The following UACA variants were observed in gnomAD, a reference collection of about 807,000 sequenced individuals.
UACA encodes the protein nuclear membrane binding protein.
Under a neutral mutation model 160.5 loss-of-function variants are expected in UACA, and 112 were observed. That is an observed-to-expected ratio of 0.70 (90% CI 0.60 to 0.82). The LOEUF (loss-of-function observed/expected upper bound fraction) is 0.82, where lower values mean the gene tolerates loss of function less well. Ranked by LOEUF, UACA falls within the 40% of genes least tolerant of loss-of-function variation. The pLI, the probability that UACA is intolerant of heterozygous loss-of-function variation, is 0.00. For synonymous variants in UACA, 557 were observed against 568.4 expected, an observed-to-expected ratio of 0.98 and a Z score of 0.29; for missense variants, 1,574 against 1,614.6, an observed-to-expected ratio of 0.97 and a Z score of 0.43.
chr15:70,671,294 A>C (rs1013784047), intron 14 of UACA: 21 of 379,164 alleles, frequency 5.5e-5, no homozygotes, highest in Non-Finnish European at 9.1e-5. Context: ...AACAACAGAT[A>C]CTAGGTTGGT....
intron 1 of UACA, among the ~76,000 whole-genome samples, chr15:70,723,374 A>T (rs546162604): frequency 1.3e-5 from 2 of 152,306 alleles, no homozygotes; most frequent in African/African-American, 2.4e-5. Context: ...AGTCCCAGCT[A>T]CTCAGGGATA....
intron 1 of UACA, among the ~76,000 whole-genome samples, chr15:70,710,370 C>T (rs960126594): frequency 2.0e-5 from 3 of 152,202 alleles, no homozygotes; most frequent in Non-Finnish European, 2.9e-5. Flanking sequence ...CTTTTCCCAA[C>T]TCTCACACTC....
intron 1 of UACA, among the ~76,000 whole-genome samples, chr15:70,747,452 C>A (rs1396120032): frequency 6.6e-6 from 1 of 152,154 alleles, no homozygotes; most frequent in South Asian, 2.1e-4. Context: ...TCACTTCAGC[C>A]TCAACCTCCT....
rs561968166 is a variant in UACA, at chr15:70,755,099, T to A, written c.78+8231A>T. On this transcript the variant is annotated intron_variant, in intron 1 of 18. Transcript: ENST00000322954. Reference sequence around the variant, plus strand: ...TAACAGGACAGTAAAAGTTTCCATATGATAGTGATGAAACAATACATGTTA... The same window carrying A: ...TAACAGGACAGTAAAAGTTTCCATAAGATAGTGATGAAACAATACATGTTA... Among the ~76,000 whole-genome samples, 3 of 152,324 alleles carry A rather than the reference T, an allele frequency of 2.0e-5. No individual in the cohort carries two copies. In the South Asian group the frequency reaches 6.2e-4, roughly 32 times the overall value.
chr15:70,724,617 A>T (rs1213101984), intron 1 of UACA, among the ~76,000 whole-genome samples: 1 of 152,160 alleles, frequency 6.6e-6, no homozygotes, highest in Non-Finnish European at 1.5e-5. Flanking sequence ...ATCACTCGCT[A>T]AAAGGTGTGC....
chr15:70,727,869 A>G (rs1435754193), intron 1 of UACA, among the ~76,000 whole-genome samples: 2 of 152,210 alleles, frequency 1.3e-5, no homozygotes, highest in African/African-American at 4.8e-5. Flanking sequence ...GTTTGAAAGT[A>G]GGGCCTCTTC....
At chr15:70,665,206 G>A (rs760295587) in intron 16 of UACA, among the ~76,000 whole-genome samples, 41 of 152,150 alleles carry the variant, frequency 2.7e-4, no homozygotes, top group African/African-American at 9.2e-4. Flanking sequence ...GGTGTGGCCC[G>A]TGTAAGTCTA....
intron 2 of UACA, among the ~76,000 whole-genome samples, chr15:70,696,002 T>C (rs755919712): frequency 6.6e-6 from 1 of 152,190 alleles, no homozygotes; most frequent in Non-Finnish European, 1.5e-5. Context: ...ACAATAGTTG[T>C]TGGCAAAGGA....
At position 70,667,622 on chromosome 15, in the gene UACA, T is replaced by C. The variant is rs911653516; in HGVS notation, c.3062A>G (p.Glu1021Gly). ...EQTQKYSVSE[E>G]EVKKNKQEND... is the part of the protein sequence containing the mutation. ...CTCTTGCTTGTTTTTCTTGACTTCT[T>C]CTTCACTGACACTATACTTTTGTGT... The change falls in exon 16 of 19, where the codon GAA (glutamate) becomes GGA (glycine). Residue 1021 changes from glutamate (E) to glycine (G), a missense_variant. Physicochemically the swap from Glu to Gly is moderately conservative, Grantham distance 98 (BLOSUM62 -2). Coordinates refer to ENST00000322954, the MANE Select transcript of UACA (RefSeq NM_018003.4). 1.9e-6 allele frequency: 3 copies of C among 1,612,888 alleles called. No homozygotes were observed. Among genetic ancestry groups the C allele is most frequent in the Admixed American group, 1.7e-5 (1 of 59,904 alleles).
At chr15:70,690,629 A>G in intron 4 of UACA, 118 bp from the exon 5 acceptor site, 1 of 744,256 alleles carries the variant, frequency 1.3e-6, no homozygotes, top group Non-Finnish European at 2.2e-6. Context: ...AAAGAAGCTA[A>G]AGACTATCCG....
chr15:70,681,134 T>C (rs944129464), intron 9 of UACA, among the ~76,000 whole-genome samples: 1 of 152,328 alleles, frequency 6.6e-6, no homozygotes, highest in Non-Finnish European at 1.5e-5. Context: ...GTTTTGTTTT[T>C]CTTCACAGCA....
At chr15:70,761,446 C>T (rs1250089844) in intron 1 of UACA, among the ~76,000 whole-genome samples, 1 of 151,002 alleles carries the variant, frequency 6.6e-6, no homozygotes, top group Non-Finnish European at 1.5e-5. Context: ...AATACATATA[C>T]ATGTGACCAA....
At chr15:70,738,360 T>C (rs1176664458) in intron 1 of UACA, among the ~76,000 whole-genome samples, 1 of 151,992 alleles carries the variant, frequency 6.6e-6, no homozygotes, top group Admixed American at 6.6e-5. Context: ...GTTACTCCTT[T>C]GTTTTAAAAC....
intron 1 of UACA, among the ~76,000 whole-genome samples, chr15:70,740,469 C>A: frequency 6.8e-6 from 1 of 146,356 alleles, no homozygotes; most frequent in East Asian, 2.0e-4. Context: ...AAAAAAAATT[C>A]AATCTATCAA....
intron 15 of UACA, among the ~76,000 whole-genome samples, chr15:70,670,130 G>A (rs8026383): frequency 0.97 from 147,846 of 152,244 alleles, 71,948 homozygotes; most frequent in East Asian, 1. Flanking sequence ...TGGTGACAGC[G>A]GCTTCCTGAT....
At chr15:70,660,487 T>C in intron 17 of UACA, 1 of 387,870 alleles carries the variant, frequency 2.6e-6, no homozygotes, top group Non-Finnish European at 4.6e-6. Context: ...GCCATGAACT[T>C]CTGAAGACAC....
At chr15:70,681,934 C>G (rs1361974854) in intron 9 of UACA, 1 of 152,140 alleles carries the variant, frequency 6.6e-6, no homozygotes, top group African/African-American at 2.4e-5. Flanking sequence ...AAAAATGACA[C>G]AGGATGATGA....
rs1452114382 is a variant in UACA, at chr15:70,662,836, C to T, written c.4113+1826G>A. 3.9e-5 allele frequency among the ~76,000 whole-genome samples: 6 copies of T among 152,240 alleles called. No individual in the cohort carries two copies. The East Asian group carries it at 1.2e-3, about 29-fold the overall frequency. ...GCAGAAAGCTGAAACTGGATCCCTT[C>T]CTTACACCTTATACAAAAATTAATT... On this transcript the variant is annotated intron_variant, in intron 17 of 18. Transcript: ENST00000322954.
At chr15:70,699,386 T>G (rs1175769149) in intron 2 of UACA, 141 bp downstream of exon 2, 1 of 887,798 alleles carries the variant, frequency 1.1e-6, no homozygotes, top group Non-Finnish European at 1.7e-6. Flanking sequence ...CAATTATTAG[T>G]TTGTTTGAAA....
Sources: gnomAD v4.1 joint callset for allele counts (sites outside exome capture counted in the v4.1 genomes callset) on GRCh38, gnomAD v4.1.1 for gene constraint, MANE v1.5 for transcripts, NCBI Gene and HGNC (gene_info 2026-07-23, HGNC 2026-07-21) for gene names.